The following PPP6C variants were observed in gnomAD, a reference collection of about 807,000 sequenced individuals.
PPP6C encodes the protein protein phosphatase 6 catalytic subunit, also known as serine/threonine-protein phosphatase 6 catalytic subunit.
In PPP6C, 11 loss-of-function variants were observed where a neutral mutation model predicts 39.8. The observed-to-expected ratio is 0.28, with a 90% CI of 0.17 to 0.46. The LOEUF (loss-of-function observed/expected upper bound fraction) is 0.46, where lower values mean the gene tolerates loss of function less well. PPP6C is among the 20% of genes least tolerant of loss of function. The pLI is 1.00. For missense variants in PPP6C, 211 were observed against 373.9 expected (o/e 0.56, Z 3.59); for synonymous variants, 129 against 130.3 (o/e 0.99, Z 0.07).
chr9:125,164,740 G>T (rs1828976010), intron 2 of PPP6C, among the ~76,000 whole-genome samples: 1 of 152,042 alleles, frequency 6.6e-6, no homozygotes, highest in African/African-American at 2.4e-5. Context: ...CCCAGCCTGG[G>T]AAGTGGATTT....
At chr9:125,154,012 TTA>T in intron 4 of PPP6C, 27 bp from the exon 5 acceptor site, 1 of 1,478,852 alleles carries the variant, frequency 6.8e-7, no homozygotes, top group Non-Finnish European at 9.4e-7. Flanking sequence ...AGGGTTTTAA[TTA>T]ATGAATCTGC....
chr9:125,160,618 C>G (rs560290468), intron 3 of PPP6C, among the ~76,000 whole-genome samples: 1 of 152,302 alleles, frequency 6.6e-6, no homozygotes, highest in South Asian at 2.1e-4. Context: ...GATTGTGAGG[C>G]CTCTCCAGCC....
intron 2 of PPP6C, among the ~76,000 whole-genome samples, chr9:125,168,693 G>A (rs1165122314): frequency 2.0e-5 from 3 of 151,428 alleles, no homozygotes; most frequent in South Asian, 2.1e-4. Flanking sequence ...TCTTGCCCTC[G>A]TGATCCACCC....
intron 4 of PPP6C, among the ~76,000 whole-genome samples, chr9:125,154,681 A>G (rs1175369250): frequency 6.6e-6 from 1 of 152,246 alleles, no homozygotes; most frequent in East Asian, 1.9e-4. Context: ...TTAAGGAGAC[A>G]ATTCTAGCAG....
At position 125,175,097 on chromosome 9, in the gene PPP6C, A is replaced by G. The variant is rs142035125; in HGVS notation, c.76-3917T>C. Among the ~76,000 whole-genome samples the G allele has an allele frequency of 1.8e-3, 267 of 151,798 alleles. 2 individuals are homozygous for G. Among genetic ancestry groups the G allele is most frequent in the African/African-American group, 6.0e-3 (250 of 41,396 alleles). ...GGTGGCAGGGCGCTGGTAATCCTGT[A>G]CTTGGGAGGCTGAGGCAGGAGAATT... On this transcript the variant is annotated intron_variant, in intron 1 of 6. Transcript: ENST00000373547.
At chr9:125,158,492 T>G (rs1309339281) in intron 3 of PPP6C, 110 bp from the exon 4 acceptor site, 1 of 1,076,832 alleles carries the variant, frequency 9.3e-7, no homozygotes, top group African/African-American at 1.6e-5. Flanking sequence ...AAGAGTTACA[T>G]ACTGAATTAT....
At chr9:125,171,059 T>C in intron 2 of PPP6C, 26 bp downstream of exon 2, 1 of 1,483,722 alleles carries the variant, frequency 6.7e-7, no homozygotes, top group Non-Finnish European at 9.2e-7. Context: ...AGTACAAAAC[T>C]TAAAAATCTG....
chr9:125,153,502 C>T, intron 6 of PPP6C, 31 bp downstream of exon 6: 1 of 1,600,644 alleles, frequency 6.2e-7, no homozygotes, highest in South Asian at 1.1e-5. Flanking sequence ...TAGCAATCCA[C>T]AAATTACATT....
chr9:125,188,646 T>TCGTGACGGGCGC (rs1309934991), intron 1 of PPP6C, among the ~76,000 whole-genome samples: 9 of 151,608 alleles, frequency 5.9e-5, no homozygotes, highest in African/African-American at 2.2e-4. Context: ...CAGCCGGGCG[T>TCGTGACGGGCGC]CGTGACGGGC....
intron 4 of PPP6C, 117 bp from the exon 5 acceptor site, chr9:125,154,102 G>C (rs539700252): frequency 5.3e-6 from 4 of 753,690 alleles, no homozygotes; most frequent in Non-Finnish European, 8.7e-6. Context: ...AGGATAGCAA[G>C]ATATGACACA....
chr9:125,171,505 A>ATATATATG (rs1829163122), intron 1 of PPP6C, among the ~76,000 whole-genome samples: 1 of 104,928 alleles, frequency 9.5e-6, no homozygotes, highest in African/African-American at 3.3e-5. Flanking sequence ...ATATATATAT[A>ATATATATG]TATATATATA....
chr9:125,158,748 G>A (rs985608483), intron 3 of PPP6C, among the ~76,000 whole-genome samples: 1 of 149,640 alleles, frequency 6.7e-6, no homozygotes, highest in Non-Finnish European at 1.5e-5. Context: ...TGCAACCTCC[G>A]CCTCCCGGGT....
At chr9:125,165,356 A>G (rs1176875610) in intron 2 of PPP6C, among the ~76,000 whole-genome samples, 1 of 152,118 alleles carries the variant, frequency 6.6e-6, no homozygotes, top group Non-Finnish European at 1.5e-5. Context: ...CTGAGATCAC[A>G]CCATTGCACT....
Position 125,148,919 on chromosome 9 carries a change from T to C in PPP6C, c.*754A>G, listed in dbSNP as rs1319792372. ...ACTCAATAACCAAAGGGTCAAGAACTCTGATTAGGAAAAAAGAAAAGATAA... is the reference window on the plus strand; with the variant it reads ...ACTCAATAACCAAAGGGTCAAGAACCCTGATTAGGAAAAAAGAAAAGATAA... On this transcript the variant is annotated 3_prime_UTR_variant, in exon 7 of 7. Coordinates refer to ENST00000373547, the MANE Select transcript of PPP6C (RefSeq NM_002721.5). The C allele has an allele frequency of 6.6e-6, 1 of 152,180 alleles. No individual in the cohort carries two copies. Among genetic ancestry groups the C allele is most frequent in the African/African-American group, 2.4e-5 (1 of 41,454 alleles). 9.4% of individuals were successfully genotyped at this position (152,180 alleles called of 1,614,324 possible).
intron 4 of PPP6C, 147 bp downstream of exon 4, chr9:125,158,094 A>G: frequency 2.4e-6 from 2 of 834,860 alleles, no homozygotes; most frequent in South Asian, 1.8e-5. Context: ...TCTCTCGAGC[A>G]TAAGATTTTC....
intron 1 of PPP6C, among the ~76,000 whole-genome samples, chr9:125,182,889 C>A (rs10986617): frequency 0.015 from 2,272 of 151,710 alleles, 107 homozygotes; most frequent in Admixed American, 0.082. Context: ...CTTTCTCCTG[C>A]GTTTAATACT....
chr9:125,181,443 T>A (rs750224239), intron 1 of PPP6C, among the ~76,000 whole-genome samples: 1 of 152,110 alleles, frequency 6.6e-6, no homozygotes, highest in Non-Finnish European at 1.5e-5. Flanking sequence ...CATCAACCCA[T>A]CATCTACAAT....
chr9:125,180,830 T>A (rs1325214259), intron 1 of PPP6C, among the ~76,000 whole-genome samples: 1 of 152,202 alleles, frequency 6.6e-6, no homozygotes, highest in African/African-American at 2.4e-5. Context: ...CCATACACTA[T>A]GTGCTAGCCT....
At chr9:125,182,098 G>A (rs961018331) in intron 1 of PPP6C, among the ~76,000 whole-genome samples, 2 of 152,032 alleles carry the variant, frequency 1.3e-5, no homozygotes, top group African/African-American at 4.8e-5. Flanking sequence ...TCTAATCCTT[G>A]AACAGGAAGG....
Sources: allele counts gnomAD v4.1 joint callset (sites outside exome capture counted in the v4.1 genomes callset), GRCh38; gene constraint gnomAD v4.1.1; transcripts MANE v1.5; gene names NCBI Gene and HGNC (gene_info 2026-07-23, HGNC 2026-07-21).